The following DMD variants were observed in gnomAD, a reference collection of about 807,000 sequenced individuals.
The protein encoded by DMD is dystrophin.
In DMD, 63 loss-of-function variants were observed where a neutral mutation model predicts 330.1. That is an observed-to-expected ratio of 0.19 (90% confidence interval 0.16 to 0.24). The LOEUF (loss-of-function observed/expected upper bound fraction) is 0.24, where lower values mean the gene tolerates loss of function less well. DMD is among the 10% of genes least tolerant of loss of function. The pLI, the probability that DMD is intolerant of heterozygous loss-of-function variation, is 1.00. For synonymous variants in DMD, 1,223 were observed against 959.8 expected (o/e 1.27, Z -5.07); for missense variants, 3,344 against 2,684.1 (o/e 1.25, Z -5.43).
intron 1 of DMD, among the ~76,000 whole-genome samples, chrX:33,177,513 T>G (rs2049735655): frequency 9.0e-6 from 1 of 110,794 alleles, no homozygotes. Context: ...GCCTCCCTAG[T>G]AGCTGGGATT....
chrX:31,240,574 A>G (rs2048154160), intron 63 of DMD, among the ~76,000 whole-genome samples: 3 of 111,596 alleles, frequency 2.7e-5, no homozygotes, highest in Admixed American at 9.5e-5. Flanking sequence ...TCAGGAGAGT[A>G]CTATTGTACA....
At chrX:31,133,159 C>A (rs1346611324) in intron 77 of DMD, among the ~76,000 whole-genome samples, 1 of 111,872 alleles carries the variant, frequency 8.9e-6, no homozygotes, top group Non-Finnish European at 1.9e-5. Context: ...TGGAGAGGAA[C>A]AAACAGCCCA....
At chrX:31,765,409 T>C (rs768889228) in intron 51 of DMD, among the ~76,000 whole-genome samples, 19 of 111,845 alleles carry the variant, frequency 1.7e-4, no homozygotes, top group African/African-American at 6.2e-4. Context: ...TTTTTAATTT[T>C]TGTTCCCTAA....
In DMD at chrX:31,507,295, C is replaced by T. The variant is rs779605822; in HGVS notation, c.8376G>A (p.Lys2792=). 1 of 1,211,550 alleles carries T rather than the reference C, an allele frequency of 8.3e-7. No individual in the cohort carries two copies. The highest frequency in any genetic ancestry group is 1.1e-6 in the Non-Finnish European group (1 of 895,430). The change falls in exon 56 of 79, where the codon AAG becomes AAA. Residue 2792 remains lysine, a synonymous_variant. Transcript: ENST00000357033. ...TCTTTTCCTACCTAATGTTGAGAGACTTTTTCCGAAGTTCACTCCACTTGA... is the reference window on the plus strand; with the variant it reads ...TCTTTTCCTACCTAATGTTGAGAGATTTTTTCCGAAGTTCACTCCACTTGA... The part of the protein sequence containing the change: ...MNFKWSELRK[K]SLNIRSHLEA...
intron 1 of DMD, among the ~76,000 whole-genome samples, chrX:33,108,881 A>AAAAAAAAAAAAAAAAAAAAAAAAG (rs1201118214): frequency 2.0e-5 from 2 of 99,687 alleles, no homozygotes; most frequent in Non-Finnish European, 4.1e-5. Context: ...AAAAAAAAAA[A>AAAAAAAAAAAAAAAAAAAAAAAAG]AAGAAGAAGA....
At chrX:31,291,441 T>G (rs992581624) in intron 62 of DMD, among the ~76,000 whole-genome samples, 4 of 111,902 alleles carry the variant, frequency 3.6e-5, no homozygotes, top group African/African-American at 1.3e-4. Context: ...CCCATTAACT[T>G]ACGCTTCGCT....
At chrX:33,285,120 TTTTA>T (rs2053412188) in intron 1 of DMD, among the ~76,000 whole-genome samples, 1 of 111,679 alleles carries the variant, frequency 9.0e-6, no homozygotes, top group South Asian at 3.7e-4. Context: ...GCTGATGTAA[TTTTA>T]TTTTATTGTG....
chrX:32,953,722 A>C (rs1201277997), intron 2 of DMD, among the ~76,000 whole-genome samples: 2 of 112,409 alleles, frequency 1.8e-5, no homozygotes, highest in Non-Finnish European at 3.7e-5. Context: ...AGCCCAAATC[A>C]TCAAAGCAGA....
intron 62 of DMD, among the ~76,000 whole-genome samples, chrX:31,264,614 CCTT>C (rs1293836809): frequency 3.6e-5 from 4 of 112,142 alleles, no homozygotes; most frequent in Non-Finnish European, 7.5e-5. Context: ...TTTCCCCTCT[CCTT>C]CTTCTTTCTA....
At chrX:31,620,611 C>T (rs1045977397) in intron 55 of DMD, among the ~76,000 whole-genome samples, 2 of 109,759 alleles carry the variant, frequency 1.8e-5, no homozygotes, top group Admixed American at 9.8e-5. Context: ...GACGGGGTTT[C>T]GCCATGTTGG....
intron 1 of DMD, among the ~76,000 whole-genome samples, chrX:33,035,505 G>C (rs1320232760): frequency 3.6e-5 from 4 of 111,465 alleles, no homozygotes; most frequent in Non-Finnish European, 7.5e-5. Flanking sequence ...CCATTATATT[G>C]CAATGCCCTT....
chrX:32,171,919 A>G (rs1482623320), intron 44 of DMD, among the ~76,000 whole-genome samples: 5 of 111,851 alleles, frequency 4.5e-5, no homozygotes, highest in African/African-American at 1.3e-4. Context: ...AAAGTAGATC[A>G]TTAAAGAAAA....
At chrX:31,853,281 G>A (rs1388791585) in intron 48 of DMD, among the ~76,000 whole-genome samples, 1 of 112,764 alleles carries the variant, frequency 8.9e-6, no homozygotes, top group African/African-American at 3.2e-5. Flanking sequence ...CTCAAATTCT[G>A]CCAATGTGGC....
intron 45 of DMD, among the ~76,000 whole-genome samples, chrX:31,966,405 C>G (rs1435316509): frequency 9.2e-6 from 1 of 109,239 alleles, no homozygotes; most frequent in Non-Finnish European, 1.9e-5. Context: ...ATATAAAAAT[C>G]CTGAGGAAGT....
chrX:31,466,785 A>G (rs1179956591), intron 59 of DMD, among the ~76,000 whole-genome samples: 1 of 111,629 alleles, frequency 9.0e-6, no homozygotes, highest in Non-Finnish European at 1.9e-5. Flanking sequence ...GATTCTTCCT[A>G]TCCATGAGCA....
intron 55 of DMD, among the ~76,000 whole-genome samples, chrX:31,575,027 A>T (rs929714497): frequency 8.9e-6 from 1 of 111,840 alleles, no homozygotes; most frequent in African/African-American, 3.2e-5. Context: ...TTACACTATC[A>T]GAATGAAAGA....
At chrX:32,827,774 G>A (rs1361448929) in intron 4 of DMD, among the ~76,000 whole-genome samples, 4 of 108,192 alleles carry the variant, frequency 3.7e-5, no homozygotes, top group African/African-American at 1.4e-4. Flanking sequence ...CGATTCTCCT[G>A]CCTCAGCCTC....
intron 19 of DMD, among the ~76,000 whole-genome samples, chrX:32,497,173 T>C (rs1052882782): frequency 2.7e-5 from 3 of 111,688 alleles, no homozygotes; most frequent in African/African-American, 9.8e-5. Flanking sequence ...TAATGAGCTA[T>C]GAACCAAAAT....
intron 43 of DMD, among the ~76,000 whole-genome samples, chrX:32,251,047 G>C (rs1472996202): frequency 9.1e-6 from 1 of 110,005 alleles, no homozygotes; most frequent in East Asian, 2.9e-4. Flanking sequence ...GTTGGGGGTG[G>C]GGGGCTAGGG....
Sources: gnomAD v4.1 joint callset for allele counts (sites outside exome capture counted in the v4.1 genomes callset) on GRCh38, gnomAD v4.1.1 for gene constraint, MANE v1.5 for transcripts, NCBI Gene and HGNC (gene_info 2026-07-23, HGNC 2026-07-21) for gene names.